Variants in RPAP2 observed in about 807,000 individuals in gnomAD.
The protein encoded by RPAP2 is RNA polymerase II associated protein 2.
RPAP2 carries 52 observed loss-of-function variants against 73.1 expected under a neutral mutation model. The ratio of observed to expected loss-of-function variants is 0.71; its 90% CI spans 0.57 to 0.90. RPAP2 has a LOEUF of 0.90. Among genes scored for constraint, RPAP2 ranks in the 40% least tolerant of loss-of-function variants. The probability of loss-of-function intolerance (pLI) is 0.00; values close to 1 mark genes in which losing one functional copy is unlikely to be tolerated. For missense variants in RPAP2, 598 were observed against 701.8 expected (o/e 0.85, Z 1.67); for synonymous variants, 225 against 242.1 (o/e 0.93, Z 0.65).
rs1432190478 is a variant in RPAP2 at position 92,395,191 on chromosome 1, C to G, written c.*8180C>G. 1 of 152,064 alleles carries G rather than the reference C, an allele frequency of 6.6e-6. No homozygotes were observed. The highest frequency in any genetic ancestry group is 1.5e-5 in the Non-Finnish European group (1 of 68,010). 9.4% of individuals were successfully genotyped at this position (152,064 alleles called of 1,614,324 possible). On this transcript the variant is annotated 3_prime_UTR_variant, in exon 13 of 13. Coordinates refer to ENST00000610020, the MANE Select transcript of RPAP2 (RefSeq NM_024813.3). ...ACACACCTACATGTAAGAGCTAAAACTATAAAACATGTAGAAGAAAACATG... is the reference window on the plus strand; with the variant it reads ...ACACACCTACATGTAAGAGCTAAAAGTATAAAACATGTAGAAGAAAACATG...
chr1:92,349,692 C>G (rs2101329425), intron 11 of RPAP2, among the ~76,000 whole-genome samples: 1 of 152,234 alleles, frequency 6.6e-6, no homozygotes, highest in African/African-American at 2.4e-5. Flanking sequence ...TTTTGGGAGG[C>G]TGAGGCAGGA....
At chr1:92,373,626 T>C (rs1315635118) in intron 11 of RPAP2, among the ~76,000 whole-genome samples, 1 of 150,762 alleles carries the variant, frequency 6.6e-6, no homozygotes, top group African/African-American at 2.4e-5. Flanking sequence ...CCATGTACAG[T>C]GGCTTACACC....
chr1:92,301,348 CA>C (rs904357095), intron 2 of RPAP2, 127 bp from the exon 3 acceptor site: 240 of 383,752 alleles, frequency 6.3e-4, no homozygotes, highest in Non-Finnish European at 8.8e-4. Flanking sequence ...TATTTTTATT[CA>C]AAAAATTTTT....
rs1365162193 is a variant in RPAP2 at position 92,400,089 on chromosome 1, A to G, written c.*13078A>G. ...AACCCAGGTCTCAAACTCCTTGTCT[A>G]TGGCTCATCTAACTAAGCAACAAAA... is the stretch of plus-strand genomic sequence containing the variant. On this transcript the variant is annotated 3_prime_UTR_variant, in exon 13 of 13. Transcript: ENST00000610020. The G allele has an allele frequency of 6.6e-6, 1 of 152,216 alleles. No individual in the cohort carries two copies. The highest frequency in any genetic ancestry group is 1.9e-4 in the East Asian group (1 of 5,194). 9.4% of individuals were successfully genotyped at this position (152,216 alleles called of 1,614,324 possible).
chr1:92,357,094 T>TACAC (rs34488806), intron 11 of RPAP2, among the ~76,000 whole-genome samples: 12,179 of 144,776 alleles, frequency 0.084, 1,028 homozygotes, highest in African/African-American at 0.22. Flanking sequence ...AAGGATTACA[T>TACAC]ACACACACAC....
At chr1:92,379,673 G>A (rs531791660) in intron 11 of RPAP2, among the ~76,000 whole-genome samples, 7 of 151,004 alleles carry the variant, frequency 4.6e-5, no homozygotes, top group Non-Finnish European at 1.0e-4. Context: ...GGTGGCTCAC[G>A]CTTGTAATCC....
At chr1:92,308,858 G>C (rs1651401568) in intron 6 of RPAP2, among the ~76,000 whole-genome samples, 2 of 152,124 alleles carry the variant, frequency 1.3e-5, no homozygotes, top group Admixed American at 6.6e-5. Context: ...TACTCAGGAG[G>C]CTGAGGCAGG....
intron 11 of RPAP2, among the ~76,000 whole-genome samples, chr1:92,374,446 A>G (rs1484493026): frequency 2.0e-5 from 3 of 152,174 alleles, no homozygotes; most frequent in Admixed American, 6.5e-5. Context: ...GTCCTCTTCC[A>G]TGGTTACTAC....
intron 11 of RPAP2, among the ~76,000 whole-genome samples, chr1:92,375,709 T>C (rs12097494): frequency 0.048 from 7,342 of 152,150 alleles, 609 homozygotes; most frequent in African/African-American, 0.17. Context: ...CGGACGCCTA[T>C]AATTCCAGCT....
chr1:92,299,116 G>C lies in RPAP2; in HGVS notation c.43G>C (p.Gly15Arg), dbSNP rs1257182237. The C allele has an allele frequency of 1.5e-5, 23 of 1,522,094 alleles. No individual in the cohort carries two copies. Among genetic ancestry groups the C allele is most frequent in the East Asian group, 2.6e-5 (1 of 39,194 alleles). The allele number at this position is 1,522,094 out of a possible 1,614,324, so 94.3% of individuals were successfully genotyped here. ...GCCGTCTTCTGCCGGCCGCAAGGCCGGGGCTCCCCGCTGCTCTCGAAAAGC... is the reference window on the plus strand; with the variant it reads ...GCCGTCTTCTGCCGGCCGCAAGGCCCGGGCTCCCCGCTGCTCTCGAAAAGC... ...AGPSSAGRKA[G>R]APRCSRKAAG... is the part of the protein sequence containing the mutation. The change falls in exon 1 of 13, where the codon GGG (glycine) becomes CGG (arginine). Residue 15 changes from glycine to arginine, a missense_variant. Transcript: ENST00000610020.
chr1:92,300,909 ATTAG>A (rs58971429), intron 2 of RPAP2, among the ~76,000 whole-genome samples: 1,637 of 152,356 alleles, frequency 0.011, 33 homozygotes, highest in African/African-American at 0.038. Flanking sequence ...TAATAAATTA[ATTAG>A]TTAATTAACA....
intron 12 of RPAP2, among the ~76,000 whole-genome samples, chr1:92,383,202 T>A (rs1371330515): frequency 6.6e-6 from 1 of 152,108 alleles, no homozygotes; most frequent in East Asian, 1.9e-4. Context: ...TCAGGTAGCG[T>A]GATGCCTCCA....
intron 6 of RPAP2, among the ~76,000 whole-genome samples, chr1:92,310,112 C>CTA (rs971441018): frequency 8.5e-5 from 13 of 152,242 alleles, no homozygotes; most frequent in Non-Finnish European, 1.3e-4. Flanking sequence ...AGTGAATAAT[C>CTA]TATATATATG....
At chr1:92,327,187 G>C (rs1362042379) in intron 8 of RPAP2, among the ~76,000 whole-genome samples, 1 of 152,096 alleles carries the variant, frequency 6.6e-6, no homozygotes, top group Non-Finnish European at 1.5e-5. Flanking sequence ...TTTCTACTTA[G>C]ATTTCATTGT....
In RPAP2 at chr1:92,390,882, C is replaced by G. The variant is rs1338067588; in HGVS notation, c.*3871C>G. On this transcript the variant is annotated 3_prime_UTR_variant, in exon 13 of 13. Coordinates refer to ENST00000610020, the MANE Select transcript of RPAP2 (RefSeq NM_024813.3). ...TATATGCACCCAATACAGGAGCACC[C>G]AGATTCATAAAGCAAGTTCTACAAA... is the stretch of plus-strand genomic sequence containing the variant. The G allele has an allele frequency of 6.6e-6, 1 of 152,170 alleles. No individual in the cohort carries two copies. The highest frequency in any genetic ancestry group is 1.5e-5 in the Non-Finnish European group (1 of 68,036). 9.4% of individuals were successfully genotyped at this position (152,170 alleles called of 1,614,324 possible).
At chr1:92,323,013 A>G (rs956595595) in intron 7 of RPAP2, among the ~76,000 whole-genome samples, 1 of 147,056 alleles carries the variant, frequency 6.8e-6, no homozygotes, top group Non-Finnish European at 1.5e-5. Flanking sequence ...ATATAAATAT[A>G]TACTTTATAT....
intron 10 of RPAP2, among the ~76,000 whole-genome samples, chr1:92,337,584 G>T (rs891829768): frequency 1.3e-5 from 2 of 152,096 alleles, no homozygotes; most frequent in Non-Finnish European, 2.9e-5. Context: ...CCAAACTATA[G>T]ATGTCTTAAA....
chr1:92,360,718 T>G (rs998608439), intron 11 of RPAP2, among the ~76,000 whole-genome samples: 1 of 152,186 alleles, frequency 6.6e-6, no homozygotes, highest in African/African-American at 2.4e-5. Flanking sequence ...TCAGTGTTAT[T>G]TGGTAACATT....
chr1:92,311,092 C>G lies in RPAP2; in HGVS notation c.488+3816C>G, dbSNP rs889021676. Among the ~76,000 whole-genome samples, 8 of 152,166 alleles carry G rather than the reference C, an allele frequency of 5.3e-5. No homozygotes were observed. The East Asian group carries it at 1.5e-3, about 29-fold the overall frequency. On this transcript the variant is annotated intron_variant, in intron 6 of 12. Coordinates refer to ENST00000610020, the MANE Select transcript of RPAP2 (RefSeq NM_024813.3). ...TCTACTCTGTTGCTTTTTTAAAATG[C>G]TGGCAGCAACCTACTTAATTGATTG...
Sources: gnomAD v4.1 joint callset for allele counts (sites outside exome capture counted in the v4.1 genomes callset) on GRCh38, gnomAD v4.1.1 for gene constraint, MANE v1.5 for transcripts, NCBI Gene and HGNC (gene_info 2026-07-23, HGNC 2026-07-21) for gene names.